KIF3C: variants seen among roughly 807,000 people sequenced by gnomAD.
KIF3C encodes kinesin family member 3C.
KIF3C carries 12 observed loss-of-function variants against 67.7 expected under a neutral mutation model. The observed-to-expected ratio is 0.18, with a 90% confidence interval of 0.11 to 0.29. The LOEUF is 0.29. Among genes scored for constraint, KIF3C ranks in the 10% least tolerant of loss-of-function variants. The pLI is 1.00. For missense variants in KIF3C, 789 were observed against 1,059.6 expected, an observed-to-expected ratio of 0.74 and a Z score of 3.55; for synonymous variants, 393 against 426.2, an observed-to-expected ratio of 0.92 and a Z score of 0.96.
intron 1 of KIF3C, among the ~76,000 whole-genome samples, chr2:25,961,155 A>G (rs1663934904): frequency 6.6e-6 from 1 of 152,218 alleles, no homozygotes; most frequent in South Asian, 2.1e-4. Context: ...ATTACAGCAC[A>G]TGGGGAAGCC....
rs551836370 is a variant in KIF3C, at chr2:25,958,496, G to A, written c.1546-2052C>T. On this transcript the variant is annotated intron_variant, in intron 1 of 7. Transcript: ENST00000264712. This position sits in a 1 kb window ranked among gnomAD's most constrained non-coding sequence, Gnocchi z 4.5. Reference sequence around the variant, plus strand: ...CTCAGGAGGCTGAGGCAGGAGAATCGGTTGAACTAGGGAGGCAGAGGCTGC... The same window carrying A: ...CTCAGGAGGCTGAGGCAGGAGAATCAGTTGAACTAGGGAGGCAGAGGCTGC... Among the ~76,000 whole-genome samples the A allele has an allele frequency of 3.3e-5, 5 of 152,204 alleles. No individual in the cohort carries two copies. In the South Asian group the frequency reaches 8.3e-4, roughly 25 times the overall value.
intron 5 of KIF3C, among the ~76,000 whole-genome samples, chr2:25,934,579 C>CA (rs57546418): frequency 0.085 from 12,658 of 149,456 alleles, 664 homozygotes; most frequent in African/African-American, 0.15. Flanking sequence ...GACTCCATCT[C>CA]AAAAAAAAGA....
chr2:25,951,962 G>T, intron 4 of KIF3C, 57 bp from the exon 5 acceptor site: 1 of 1,164,630 alleles, frequency 8.6e-7, no homozygotes, highest in Non-Finnish European at 1.3e-6. Flanking sequence ...ACCACGTGGT[G>T]CATGTGAGGG....
In KIF3C at chr2:25,980,983, C is replaced by T. The variant is rs1320716439; in HGVS notation, c.935G>A (p.Ser312Asn). ...NVIAALAGNR[S>N]THIPYRDSKL... Reference sequence around the variant, plus strand: ...GGAGTCCCGGTAGGGAATGTGGGTGCTCCTGTTGCCCGCCAGGGCAGCAAT... The same window carrying T: ...GGAGTCCCGGTAGGGAATGTGGGTGTTCCTGTTGCCCGCCAGGGCAGCAAT... The change falls in exon 1 of 8, where the codon AGC becomes AAC. Residue 312 changes from serine to asparagine, a missense_variant. Physicochemically the swap from Ser to Asn is conservative, Grantham distance 46. Around this residue, in one of 2 missense-constraint regions of KIF3C, gnomAD observed 648 missense variants for 807.8 expected, o/e 0.80. Transcript: ENST00000264712. This position sits in a 1 kb window ranked among gnomAD's most constrained non-coding sequence, Gnocchi z 7.6. 1 of 1,614,188 alleles carries T rather than the reference C, an allele frequency of 6.2e-7. No individual in the cohort carries two copies. The highest frequency in any genetic ancestry group is 1.1e-5 in the South Asian group (1 of 91,090).
rs1164428605 is a variant in KIF3C at position 25,963,040 on chromosome 2, TAATATATA to T, written c.1546-6604_1546-6597del. On this transcript the variant is annotated intron_variant, in intron 1 of 7. Coordinates refer to ENST00000264712, the MANE Select transcript of KIF3C (RefSeq NM_002254.8). ...TATATAATATATAATATATAATATATAATATATAAATATATAAATATATATACACACAT... is the reference window on the plus strand; with the variant it reads ...TATATAATATATAATATATAATATATAATATATAAATATATATACACACAT... Among the ~76,000 whole-genome samples, 106 of 55,362 alleles carry T rather than the reference TAATATATA, an allele frequency of 1.9e-3. 2 individuals carry two copies. The highest frequency in any genetic ancestry group is 7.5e-3 in the African/African-American group (69 of 9,200). 36.3% of individuals were successfully genotyped at this position (55,362 alleles called of 152,430 possible). A position where few individuals can be genotyped will look rare whatever the true frequency, so the allele number is the denominator to read the frequency against.
In KIF3C at chr2:25,981,490, G is replaced by A; in HGVS notation, c.428C>T (p.Ala143Val). Residue 143 changes from alanine to valine, a missense_variant, in exon 1 of 8, where the codon GCC becomes GTC. Coordinates refer to ENST00000264712, the MANE Select transcript of KIF3C (RefSeq NM_002254.8). The surrounding 1 kb of genome is among the most constrained non-coding windows in gnomAD (Gnocchi z 8.2). ...TTCCTGGTAGATCTCCAAATAGGAG[G>A]CCCGGACCAGGTACTGTTGGTTCTG... Reference protein sequence around the residue: ...RSQNQQYLVRASYLEIYQEEI... With the variant: ...RSQNQQYLVRVSYLEIYQEEI... 6.2e-7 allele frequency: 1 copy of A among 1,614,112 alleles called. No homozygotes were observed. Among genetic ancestry groups the A allele is most frequent in the Non-Finnish European group, 8.5e-7 (1 of 1,180,024 alleles).
intron 1 of KIF3C, among the ~76,000 whole-genome samples, chr2:25,970,388 C>T (rs1323528154): frequency 6.6e-6 from 1 of 152,062 alleles, no homozygotes; most frequent in East Asian, 1.9e-4. Context: ...ACACATCAGG[C>T]CGGGCGCGGT....
chr2:25,971,901 C>CTTTTTTTTTTTTTTT (rs1173656634), intron 1 of KIF3C, among the ~76,000 whole-genome samples: 165 of 55,100 alleles, frequency 3.0e-3, no homozygotes, highest in African/African-American at 3.8e-3. Flanking sequence ...TTTTTTTTTA[C>CTTTTTTTTTTTTTTT]TTTTTTGTAG....
rs2090437857 is a variant in KIF3C at position 25,929,292 on chromosome 2, TGGA to T, written c.2288+10_2288+12del. On this transcript the variant is annotated intron_variant, in intron 7 of 7. Transcript: ENST00000264712. ...CTGGGTCCAGTGCTGCCTGGGACCA[TGGA>T]GGTACTGACCAGGATCTGGACTTTC... is the stretch of plus-strand genomic sequence containing the variant. 2 of 1,612,018 alleles carry T rather than the reference TGGA, an allele frequency of 1.2e-6. No homozygotes were observed. The highest frequency in any genetic ancestry group is 1.7e-6 in the Non-Finnish European group (2 of 1,178,286).
At chr2:25,964,237 T>C (rs563420983) in intron 1 of KIF3C, among the ~76,000 whole-genome samples, 17 of 152,126 alleles carry the variant, frequency 1.1e-4, no homozygotes, top group Middle Eastern at 6.8e-3. Context: ...GAGGTTACAG[T>C]GAGCTGAGAT....
chr2:25,935,188 G>A (rs1435266846), intron 5 of KIF3C, among the ~76,000 whole-genome samples: 2 of 152,050 alleles, frequency 1.3e-5, no homozygotes, highest in African/African-American at 4.8e-5. Context: ...AAGTTGCAGT[G>A]AGCTGAGATC....
At chr2:25,953,672 GTTTT>G (rs70950142) in intron 4 of KIF3C, among the ~76,000 whole-genome samples, 6 of 99,602 alleles carry the variant, frequency 6.0e-5, no homozygotes, top group Non-Finnish European at 1.1e-4. Context: ...TTTTGTTTTT[GTTTT>G]TTTTTTTTTT....
rs116852853 is a variant in KIF3C at position 25,956,219 on chromosome 2, G to A, written c.1647+124C>T. The A allele has an allele frequency of 2.6e-4, 193 of 742,462 alleles. 1 individual carries two copies. In the East Asian group the frequency reaches 2.9e-3, roughly 11 times the overall value. 46.0% of individuals were successfully genotyped at this position (742,462 alleles called of 1,614,324 possible). A position where few individuals can be genotyped will look rare whatever the true frequency, so the allele number is the denominator to read the frequency against. ...AGACCTGTGGGACCCAGGGTGGCAT[G>A]TCTGAGATTCTCAGCACTGTAATTC... On this transcript the variant is annotated intron_variant, in intron 2 of 7. Transcript: ENST00000264712.
chr2:25,946,107 C>T (rs566852235), intron 5 of KIF3C, among the ~76,000 whole-genome samples: 17 of 151,646 alleles, frequency 1.1e-4, no homozygotes, highest in Non-Finnish European at 1.9e-4. Context: ...AGCGAGATTC[C>T]GTATCAAAAA....
At chr2:25,975,305 T>A (rs1664384471) in intron 1 of KIF3C, among the ~76,000 whole-genome samples, 1 of 152,068 alleles carries the variant, frequency 6.6e-6, no homozygotes, top group African/African-American at 2.4e-5. Flanking sequence ...GGACTACAGG[T>A]ACACACCACC....
chr2:25,928,806 A>G lies in KIF3C; in HGVS notation c.*172T>C. 1 of 589,194 alleles carries G rather than the reference A, an allele frequency of 1.7e-6. No homozygotes were observed. The highest frequency in any genetic ancestry group is 3.0e-6 in the Non-Finnish European group (1 of 332,604). 36.5% of individuals were successfully genotyped at this position (589,194 alleles called of 1,614,324 possible). On this transcript the variant is annotated 3_prime_UTR_variant, in exon 8 of 8. Coordinates refer to ENST00000264712, the MANE Select transcript of KIF3C (RefSeq NM_002254.8). Reference sequence around the variant, plus strand: ...CGCGAATAAATAACATGAATTAAATAAAGGAGGCGAAGAAGAGCAGGCAGA... The same window carrying G: ...CGCGAATAAATAACATGAATTAAATGAAGGAGGCGAAGAAGAGCAGGCAGA...
At chr2:25,951,357 A>C (rs1415158067) in intron 5 of KIF3C, 1 of 170,328 alleles carries the variant, frequency 5.9e-6, no homozygotes, top group Non-Finnish European at 1.3e-5. Context: ...GTGAGCTCGG[A>C]CCATGTCTAA....
rs192251939 is a variant in KIF3C at position 25,948,091 on chromosome 2, G to T, written c.2006+3698C>A. 6.6e-5 allele frequency among the ~76,000 whole-genome samples: 10 copies of T among 152,222 alleles called. No homozygotes were observed. The East Asian group carries it at 1.9e-3, about 29-fold the overall frequency. On this transcript the variant is annotated intron_variant, in intron 5 of 7. Transcript: ENST00000264712. ...GAAAAAATGAGCTGGCCATGGTGGC[G>T]ACTGCCTGCTGGTTCAAGCTACTTG...
chr2:25,970,768 T>C (rs1233411602), intron 1 of KIF3C, among the ~76,000 whole-genome samples: 2 of 151,712 alleles, frequency 1.3e-5, no homozygotes, highest in Non-Finnish European at 2.9e-5. Flanking sequence ...ACTGTTGTTA[T>C]TTTTCTGCTG....
Sources: allele counts gnomAD v4.1 joint callset (sites outside exome capture counted in the v4.1 genomes callset), GRCh38; gene constraint gnomAD v4.1.1; regional missense constraint gnomAD v4.1.1; non-coding constraint Gnocchi (gnomAD v3.1); transcripts MANE v1.5; gene names NCBI Gene and HGNC (gene_info 2026-07-23, HGNC 2026-07-21).